The following PRMT7 variants were observed in gnomAD, a reference collection of about 807,000 sequenced individuals.
PRMT7 encodes the protein protein arginine methyltransferase 7, also known as protein arginine N-methyltransferase 7.
PRMT7 carries 75 observed loss-of-function variants against 85.4 expected under a neutral mutation model. That is an observed-to-expected ratio of 0.88 (90% CI 0.73 to 1.06). PRMT7 has a LOEUF of 1.06. PRMT7 is among the 50% of genes least tolerant of loss of function. The pLI is 0.00. For missense variants in PRMT7, 868 were observed against 915.2 expected (o/e 0.95, Z 0.67); for synonymous variants, 397 against 359.5 (o/e 1.10, Z -1.18).
intron 6 of PRMT7, among the ~76,000 whole-genome samples, chr16:68,331,762 CTGTGCCTGG>C (rs2083942641): frequency 6.6e-6 from 1 of 152,234 alleles, no homozygotes; most frequent in Non-Finnish European, 1.5e-5. Context: ...GCGTGGGCCG[CTGTGCCTGG>C]CCTCATTTTT....
chr16:68,324,894 C>G lies in PRMT7; in HGVS notation c.282+62C>G, dbSNP rs1200704647. The G allele has an allele frequency of 6.3e-6, 10 of 1,591,988 alleles. 1 individual carries two copies. Among genetic ancestry groups the G allele is most frequent in the Admixed American group, 3.5e-5 (2 of 57,464 alleles). On this transcript the variant is annotated intron_variant, in intron 5 of 18. Coordinates refer to ENST00000441236, the MANE Select transcript of PRMT7 (RefSeq NM_019023.5). ...GCATGGGAAATCCCCTATGCTCTTGCACTTTCCCCGTCTGTTCCTTCACAA... is the reference window on the plus strand; with the variant it reads ...GCATGGGAAATCCCCTATGCTCTTGGACTTTCCCCGTCTGTTCCTTCACAA...
intron 8 of PRMT7, 22 bp from the exon 9 acceptor site, chr16:68,339,766 A>G (rs746248925): frequency 6.2e-7 from 1 of 1,608,254 alleles, no homozygotes; most frequent in Admixed American, 1.7e-5. Flanking sequence ...CTCTGCTTAC[A>G]TTCTTGAATA....
intron 4 of PRMT7, chr16:68,322,416 T>C: frequency 2.2e-6 from 1 of 451,246 alleles, no homozygotes; most frequent in East Asian, 7.1e-5. Flanking sequence ...CAGGCTGGTC[T>C]TGATCCCCTG....
chr16:68,347,529 A>G, intron 12 of PRMT7, 102 bp from the exon 13 acceptor site: 1 of 1,306,390 alleles, frequency 7.7e-7, no homozygotes, highest in Non-Finnish European at 1.1e-6. Context: ...AGGGTTGTTC[A>G]GGTGTGTCCT....
At chr16:68,338,714 A>G (rs531430820) in intron 7 of PRMT7, among the ~76,000 whole-genome samples, 5 of 152,214 alleles carry the variant, frequency 3.3e-5, no homozygotes, top group African/African-American at 1.2e-4. Context: ...TACAGCAGAG[A>G]ATCATTTGGC....
At chr16:68,328,931 T>A (rs2083471889) in intron 5 of PRMT7, 135 bp from the exon 6 acceptor site, 1 of 594,448 alleles carries the variant, frequency 1.7e-6, no homozygotes, top group African/African-American at 1.9e-5. Context: ...TTTTTCATGA[T>A]GCACATTTGG....
At chr16:68,347,596 A>C (rs370975390) in intron 12 of PRMT7, 35 bp from the exon 13 acceptor site, 46 of 1,597,340 alleles carry the variant, frequency 2.9e-5, no homozygotes, top group African/African-American at 5.4e-5. Context: ...TGTTAAGTGA[A>C]TATCTTACAA....
intron 3 of PRMT7, among the ~76,000 whole-genome samples, chr16:68,317,608 A>C (rs1421043760): frequency 1.3e-5 from 2 of 152,140 alleles, no homozygotes; most frequent in Non-Finnish European, 2.9e-5. Context: ...CGGGCGGATC[A>C]CCTGAGGTCG....
chr16:68,314,803 C>T (rs1006615909), intron 2 of PRMT7, among the ~76,000 whole-genome samples: 7 of 152,132 alleles, frequency 4.6e-5, no homozygotes, highest in African/African-American at 1.7e-4. Context: ...GGTGGTGTTT[C>T]TCTCCCTCCC....
intron 15 of PRMT7, among the ~76,000 whole-genome samples, chr16:68,352,908 A>G (rs1184859069): frequency 2.0e-5 from 3 of 152,196 alleles, no homozygotes; most frequent in Non-Finnish European, 4.4e-5. Context: ...AGTGTATCTC[A>G]TTTGATGAGA....
chr16:68,328,723 C>T (rs912476918), intron 5 of PRMT7, among the ~76,000 whole-genome samples: 1 of 152,052 alleles, frequency 6.6e-6, no homozygotes, highest in South Asian at 2.1e-4. Context: ...AGTCTGCTCT[C>T]CTCTGGAGGG....
chr16:68,356,052 T>G (rs1329001102), intron 17 of PRMT7, among the ~76,000 whole-genome samples, 169 bp downstream of exon 17: 1 of 152,208 alleles, frequency 6.6e-6, no homozygotes, highest in Non-Finnish European at 1.5e-5. Context: ...CGTGTGGTGG[T>G]TCCCACGGTC....
At chr16:68,348,485 G>A (rs1291651278) in intron 14 of PRMT7, 54 bp downstream of exon 14, 6 of 1,433,760 alleles carry the variant, frequency 4.2e-6, no homozygotes, top group Non-Finnish European at 5.9e-6. Flanking sequence ...TGGTCAGCAC[G>A]GCACTGAAGT....
At chr16:68,345,875 C>A in intron 10 of PRMT7, 73 bp downstream of exon 10, 1 of 1,592,382 alleles carries the variant, frequency 6.3e-7, no homozygotes, top group South Asian at 1.1e-5. Flanking sequence ...TACAGATCCT[C>A]TGGAGGTGCC....
At chr16:68,349,436 C>T (rs1354001593) in intron 14 of PRMT7, among the ~76,000 whole-genome samples, 1 of 152,178 alleles carries the variant, frequency 6.6e-6, no homozygotes, top group African/African-American at 2.4e-5. Flanking sequence ...ACTGGACTCA[C>T]CCAACGCGGA....
In PRMT7 at chr16:68,357,087, G is replaced by C. The variant is rs1422532479; in HGVS notation, c.1942G>C (p.Ala648Pro). 1 of 1,612,700 alleles carries C rather than the reference G, an allele frequency of 6.2e-7. No individual in the cohort carries two copies. The highest frequency in any genetic ancestry group is 1.7e-5 in the Admixed American group (1 of 59,814). ...GCCWNPHCKQ[A>P]VYFFSPAPDP... Reference sequence around the variant, plus strand: ...CTGCTGGAACCCCCACTGCAAGCAGGCCGTCTACTTCTTCAGCCCTGCCCC... The same window carrying C: ...CTGCTGGAACCCCCACTGCAAGCAGCCCGTCTACTTCTTCAGCCCTGCCCC... The change falls in exon 19 of 19, where the codon GCC becomes CCC. Residue 648 changes from alanine to proline, a missense_variant. Ala to Pro is a conservative substitution (Grantham distance 27). Coordinates refer to ENST00000441236, the MANE Select transcript of PRMT7 (RefSeq NM_019023.5).
Position 68,339,884 on chromosome 16 carries a change from G to T in PRMT7, c.843G>T (p.Trp281Cys). Residue 281 changes from tryptophan (W) to cysteine (C), a missense_variant, in exon 9 of 19, where the codon TGG becomes TGT. Trp to Cys is a radical substitution (Grantham distance 215). Transcript: ENST00000441236. ...GCCGAGCTCAGGTGGTTCTCTCGTG[G>T]TGGGACATTGAAATGGACCCTGAGG... The part of the protein sequence containing the change: ...TSGRAQVVLS[W>C]WDIEMDPEGK... 3 of 1,614,202 alleles carry T rather than the reference G, an allele frequency of 1.9e-6. No individual in the cohort carries two copies. Among genetic ancestry groups the T allele is most frequent in the Non-Finnish European group, 2.5e-6 (3 of 1,180,040 alleles).
chr16:68,345,047 A>G (rs977464715), intron 9 of PRMT7, among the ~76,000 whole-genome samples: 2 of 150,436 alleles, frequency 1.3e-5, no homozygotes, highest in Non-Finnish European at 2.9e-5. Flanking sequence ...TTCAACACTT[A>G]TCTCCCAAGA....
intron 7 of PRMT7, 127 bp downstream of exon 7, chr16:68,337,698 ATTCC>A: frequency 9.6e-6 from 4 of 418,310 alleles, no homozygotes; most frequent in Non-Finnish European, 1.6e-5. Context: ...ACACCCCTCC[ATTCC>A]TGGGGGGGCT....
Sources: gnomAD v4.1 joint callset for allele counts (sites outside exome capture counted in the v4.1 genomes callset) on GRCh38, gnomAD v4.1.1 for gene constraint, MANE v1.5 for transcripts, NCBI Gene and HGNC (gene_info 2026-07-23, HGNC 2026-07-21) for gene names.